Variants in ADAMTS9 observed in about 807,000 individuals in gnomAD.
ADAMTS9 encodes the protein ADAM metallopeptidase with thrombospondin type 1 motif 9.
ADAMTS9 carries 107 observed loss-of-function variants against 257.1 expected under a neutral mutation model. The ratio of observed to expected loss-of-function variants is 0.42; its 90% CI spans 0.36 to 0.49. ADAMTS9 has a LOEUF of 0.49. Ranked by LOEUF, ADAMTS9 falls within the 20% of genes least tolerant of loss-of-function variation. ADAMTS9 has a pLI of 0.03. For missense variants in ADAMTS9, 2,353 were observed against 2,469.1 expected (o/e 0.95, Z 1.00); for synonymous variants, 982 against 880.9 (o/e 1.11, Z -2.03).
At chr3:64,668,536 C>T (rs1701404332) in intron 3 of ADAMTS9, among the ~76,000 whole-genome samples, 1 of 152,172 alleles carries the variant, frequency 6.6e-6, no homozygotes, top group Non-Finnish European at 1.5e-5. Flanking sequence ...CCCTCTGTGC[C>T]TCAGTTTCCT....
chr3:64,632,323 T>G (rs1700386812), intron 14 of ADAMTS9, among the ~76,000 whole-genome samples: 1 of 152,202 alleles, frequency 6.6e-6, no homozygotes, highest in South Asian at 2.1e-4. Context: ...TGTATCTAAT[T>G]AAAGAGCTCA....
chr3:64,569,989 G>C (rs2083640013), intron 28 of ADAMTS9, among the ~76,000 whole-genome samples: 1 of 152,174 alleles, frequency 6.6e-6, no homozygotes. Flanking sequence ...TTAGAATGAA[G>C]TTCCTAGAAG....
At chr3:64,530,526 T>TAAAAAAAAAAAAAAAAAAAAA in intron 38 of ADAMTS9, among the ~76,000 whole-genome samples, 1 of 116,606 alleles carries the variant, frequency 8.6e-6, no homozygotes. Flanking sequence ...CACCAAGATT[T>TAAAAAAAAAAAAAAAAAAAAA]AAAAAAAAAA....
chr3:64,656,037 C>T, intron 4 of ADAMTS9, 162 bp from the exon 5 acceptor site: 1 of 522,722 alleles, frequency 1.9e-6, no homozygotes, highest in Non-Finnish European at 3.5e-6. Context: ...TTTGTAAAGT[C>T]TCTTCATAAA....
Position 64,516,286 on chromosome 3 carries a change from C to A in ADAMTS9, c.*841G>T, listed in dbSNP as rs1045118. 5,257 of 152,618 alleles carry A rather than the reference C, an allele frequency of 0.034. 129 individuals carry two copies. The highest frequency in any genetic ancestry group is 0.075 in the Middle Eastern group (22 of 294). The allele number at this position is 152,618 out of a possible 1,614,324, so 9.5% of individuals were successfully genotyped here. A position where few individuals can be genotyped will look rare whatever the true frequency, so the allele number is the denominator to read the frequency against. On this transcript the variant is annotated 3_prime_UTR_variant, in exon 40 of 40. Coordinates refer to ENST00000498707, the MANE Select transcript of ADAMTS9 (RefSeq NM_182920.2). The stretch of plus-strand genomic sequence containing the variant: ...CCAATATCACTCTGTAATGAAGCTG[C>A]TTGGGGGATCCTCCATTTGATTGTG...
chr3:64,524,001 G>T (rs764458378), intron 38 of ADAMTS9, among the ~76,000 whole-genome samples: 1 of 152,104 alleles, frequency 6.6e-6, no homozygotes, highest in African/African-American at 2.4e-5. Flanking sequence ...TGTTCTTATA[G>T]GCAAAACTTA....
chr3:64,541,842 A>G lies in ADAMTS9; in HGVS notation c.5193T>C (p.Tyr1731=), dbSNP rs2083126797. ...PEERKTCRNV[Y]NCELPQNCKE... is the part of the protein sequence containing the mutation. ...AACTTCAGTTGGCCAACTTACAGTTATAGACATTACGGCAGGTTTTTCGTT... is the reference window on the plus strand; with the variant it reads ...AACTTCAGTTGGCCAACTTACAGTTGTAGACATTACGGCAGGTTTTTCGTT... Residue 1731 remains tyrosine, a synonymous_variant, in exon 33 of 40, where the codon TAT becomes TAC. Coordinates refer to ENST00000498707, the MANE Select transcript of ADAMTS9 (RefSeq NM_182920.2). The G allele has an allele frequency of 1.2e-6, 2 of 1,614,216 alleles. No individual in the cohort carries two copies. The highest frequency in any genetic ancestry group is 1.3e-5 in the African/African-American group (1 of 75,074).
intron 12 of ADAMTS9, among the ~76,000 whole-genome samples, chr3:64,640,214 A>G (rs908526043): frequency 6.6e-6 from 1 of 152,230 alleles, no homozygotes; most frequent in African/African-American, 2.4e-5. Context: ...ACATGAAATA[A>G]GGTTGGGTTA....
chr3:64,640,307 C>T (rs1700606093), intron 12 of ADAMTS9, among the ~76,000 whole-genome samples: 1 of 152,178 alleles, frequency 6.6e-6, no homozygotes, highest in Non-Finnish European at 1.5e-5. Context: ...CAGTTGCCTA[C>T]AGCTATATTC....
At chr3:64,679,388 A>G (rs1276163507) in intron 3 of ADAMTS9, among the ~76,000 whole-genome samples, 3 of 152,204 alleles carry the variant, frequency 2.0e-5, no homozygotes, top group Non-Finnish European at 4.4e-5. Context: ...ATCTTGGGCA[A>G]ACTACTTCAT....
intron 4 of ADAMTS9, 70 bp from the exon 5 acceptor site, chr3:64,655,945 C>G (rs761582729): frequency 2.1e-6 from 2 of 953,502 alleles, no homozygotes; most frequent in Non-Finnish European, 3.1e-6. Flanking sequence ...TCACGTCTTA[C>G]GTTGGGCTCC....
intron 22 of ADAMTS9, among the ~76,000 whole-genome samples, chr3:64,610,139 C>G (rs549091260): frequency 6.6e-6 from 1 of 152,276 alleles, no homozygotes; most frequent in African/African-American, 2.4e-5. Flanking sequence ...GTGGCCCAAA[C>G]ATAAGAGCTA....
chr3:64,647,076 G>A (rs371205999), intron 11 of ADAMTS9, among the ~76,000 whole-genome samples: 1 of 152,036 alleles, frequency 6.6e-6, no homozygotes, highest in Non-Finnish European at 1.5e-5. Context: ...AGTAAGTAAA[G>A]TGGACAATGG....
At chr3:64,622,812 G>C (rs1251653879) in intron 16 of ADAMTS9, among the ~76,000 whole-genome samples, 2 of 152,084 alleles carry the variant, frequency 1.3e-5, no homozygotes, top group African/African-American at 4.8e-5. Context: ...GGAGATAAAA[G>C]CACCTACTCC....
intron 38 of ADAMTS9, among the ~76,000 whole-genome samples, chr3:64,529,499 G>A (rs886739744): frequency 6.6e-6 from 1 of 152,166 alleles, no homozygotes; most frequent in South Asian, 2.1e-4. Context: ...CTGAAACAGG[G>A]CTATTTGGAA....
At chr3:64,527,740 A>T (rs1353110586) in intron 38 of ADAMTS9, among the ~76,000 whole-genome samples, 1 of 152,162 alleles carries the variant, frequency 6.6e-6, no homozygotes, top group Admixed American at 6.5e-5. Context: ...GAATATACAG[A>T]ATAAAAATTA....
chr3:64,544,935 C>T (rs1304428155), intron 32 of ADAMTS9, among the ~76,000 whole-genome samples: 2 of 152,168 alleles, frequency 1.3e-5, no homozygotes, highest in African/African-American at 2.4e-5. Context: ...TCAACCCCAT[C>T]AACAAGTGGG....
intron 33 of ADAMTS9, 68 bp downstream of exon 33, chr3:64,541,770 G>C (rs924300318): frequency 6.9e-6 from 11 of 1,591,992 alleles, no homozygotes; most frequent in African/African-American, 1.3e-5. Context: ...AAAAGGGCAG[G>C]CAATCAAATG....
intron 16 of ADAMTS9, 52 bp downstream of exon 16, chr3:64,631,403 G>GC: frequency 7.1e-7 from 1 of 1,415,662 alleles, no homozygotes; most frequent in South Asian, 1.2e-5. Flanking sequence ...GCAGTATCTG[G>GC]CCACTGCTCC....
Sources: gnomAD v4.1 joint callset for allele counts (sites outside exome capture counted in the v4.1 genomes callset) on GRCh38, gnomAD v4.1.1 for gene constraint, MANE v1.5 for transcripts, NCBI Gene and HGNC (gene_info 2026-07-23, HGNC 2026-07-21) for gene names.